CFAP54: variants seen among roughly 807,000 people sequenced by gnomAD.
The protein encoded by CFAP54 is cilia and flagella associated protein 54, also known as cilia- and flagella-associated protein 54.
A neutral mutation model predicts 370.4 loss-of-function variants in CFAP54; 290 were observed. The ratio of observed to expected loss-of-function variants is 0.78; its 90% confidence interval spans 0.71 to 0.86. The LOEUF (loss-of-function observed/expected upper bound fraction) is 0.86. Among genes scored for constraint, CFAP54 ranks in the 40% least tolerant of loss-of-function variants. The pLI is 0.00. For synonymous variants in CFAP54, 1,206 were observed against 1,236.5 expected (o/e 0.98, Z 0.52); for missense variants, 3,399 against 3,528.7 (o/e 0.96, Z 0.93).
At chr12:96,621,851 TTATAG>T (rs1956494440) in intron 27 of CFAP54, 130 bp downstream of exon 27, 1 of 328,518 alleles carries the variant, frequency 3.0e-6, no homozygotes, top group Admixed American at 5.6e-5. Context: ...AAGTAAAGTA[TTATAG>T]TAAAGAGCTT....
At chr12:96,771,113 C>T (rs966607368) in intron 60 of CFAP54, among the ~76,000 whole-genome samples, 7 of 152,162 alleles carry the variant, frequency 4.6e-5, no homozygotes, top group Non-Finnish European at 8.8e-5. Flanking sequence ...AGATTTGTAG[C>T]AGGGCCTGAA....
At chr12:96,686,071 C>T (rs764983033) in intron 42 of CFAP54, among the ~76,000 whole-genome samples, 1 of 152,206 alleles carries the variant, frequency 6.6e-6, no homozygotes, top group African/African-American at 2.4e-5. Context: ...GCTATCATAA[C>T]AAAGTACCAC....
intron 15 of CFAP54, among the ~76,000 whole-genome samples, chr12:96,553,783 C>T (rs994482033): frequency 1.3e-5 from 2 of 151,582 alleles, no homozygotes; most frequent in Non-Finnish European, 2.9e-5. Flanking sequence ...GACTAAATTT[C>T]TAGTCTGAGA....
At position 96,564,738 on chromosome 12, in the gene CFAP54, T is replaced by C; in HGVS notation, c.2592T>C (p.Thr864=). 1 of 624,106 alleles carries C rather than the reference T, an allele frequency of 1.6e-6. No individual in the cohort carries two copies. The highest frequency in any genetic ancestry group is 2.8e-6 in the Non-Finnish European group (1 of 356,006). The allele number at this position is 624,106 out of a possible 1,614,324, so 38.7% of individuals were successfully genotyped here. A position where few individuals can be genotyped will look rare whatever the true frequency, so the allele number is the denominator to read the frequency against. Residue 864 remains threonine, a synonymous_variant, in exon 19 of 68, where the codon ACT becomes ACC. Coordinates refer to ENST00000524981, the MANE Select transcript of CFAP54 (RefSeq NM_001306084.2). The stretch of plus-strand genomic sequence containing the variant: ...TTTTAATATTCGAGAAAGATGCAAC[T>C]TCTACATCTTCATGGGAACTTTTGA... ...KALLIFEKDA[T]STSSWELLME... is the part of the protein sequence containing the mutation.
intron 50 of CFAP54, among the ~76,000 whole-genome samples, chr12:96,723,976 A>G (rs1016826124): frequency 1.3e-5 from 2 of 151,282 alleles, no homozygotes; most frequent in East Asian, 2.0e-4. Context: ...ATGACTTCCA[A>G]TTTCATCCAT....
chr12:96,728,316 A>G (rs1447847603), intron 50 of CFAP54, among the ~76,000 whole-genome samples: 2 of 152,124 alleles, frequency 1.3e-5, no homozygotes, highest in African/African-American at 2.4e-5. Flanking sequence ...AGGTACACCA[A>G]TCAGATGCAG....
chr12:96,631,895 C>A (rs1413704468), intron 32 of CFAP54, among the ~76,000 whole-genome samples: 1 of 151,514 alleles, frequency 6.6e-6, no homozygotes, highest in Admixed American at 6.6e-5. Context: ...AAATACACAG[C>A]GTTGCGGTTT....
intron 32 of CFAP54, among the ~76,000 whole-genome samples, chr12:96,640,538 C>T (rs900914777): frequency 3.3e-5 from 5 of 152,190 alleles, no homozygotes; most frequent in African/African-American, 1.2e-4. Flanking sequence ...CCCCATCAAC[C>T]TACCAATGAC....
intron 15 of CFAP54, among the ~76,000 whole-genome samples, chr12:96,552,068 G>A (rs2136398348): frequency 6.6e-6 from 1 of 151,970 alleles, no homozygotes. Flanking sequence ...CCAACATGGA[G>A]AAACCCCATG....
At chr12:96,780,018 A>G (rs1958565935) in intron 60 of CFAP54, among the ~76,000 whole-genome samples, 2 of 151,984 alleles carry the variant, frequency 1.3e-5, no homozygotes, top group South Asian at 2.1e-4. Flanking sequence ...AACGATGCCT[A>G]TTTTTCCTGG....
intron 40 of CFAP54, among the ~76,000 whole-genome samples, chr12:96,682,530 C>G (rs999093386): frequency 1.3e-5 from 2 of 152,074 alleles, no homozygotes; most frequent in African/African-American, 4.8e-5. Flanking sequence ...CTCACACCAC[C>G]ACACCTGACT....
At chr12:96,622,805 C>CA (rs1290104731) in intron 27 of CFAP54, among the ~76,000 whole-genome samples, 1 of 151,818 alleles carries the variant, frequency 6.6e-6, no homozygotes, top group Non-Finnish European at 1.5e-5. Flanking sequence ...ATTTGTTTGC[C>CA]AAAAAAACTT....
At chr12:96,679,519 T>A (rs10860066) in intron 39 of CFAP54, 81 bp from the exon 40 acceptor site, 13 of 1,426,220 alleles carry the variant, frequency 9.1e-6, no homozygotes, top group Non-Finnish European at 1.2e-5. Context: ...CAAGAAATTC[T>A]CTGAATTATA....
intron 42 of CFAP54, among the ~76,000 whole-genome samples, chr12:96,688,503 G>T (rs1416832170): frequency 6.6e-6 from 1 of 152,164 alleles, no homozygotes; most frequent in Non-Finnish European, 1.5e-5. Context: ...TGCCAAAGTG[G>T]AGATTCATAT....
chr12:96,686,612 C>T (rs972014187), intron 42 of CFAP54, among the ~76,000 whole-genome samples: 4 of 152,054 alleles, frequency 2.6e-5, no homozygotes, highest in Admixed American at 2.6e-4. Context: ...GGAGGTGCCA[C>T]ACTCTTTTAA....
At position 96,700,035 on chromosome 12, in the gene CFAP54, A is replaced by T; in HGVS notation, c.6416A>T (p.Tyr2139Phe). 1.9e-6 allele frequency: 3 copies of T among 1,609,454 alleles called. No homozygotes were observed. The highest frequency in any genetic ancestry group is 2.5e-6 in the Non-Finnish European group (3 of 1,177,218). ...EAFYEISQIF[Y>F]GKNMPCPIPA... ...TTTTATGAGATATCCCAAATTTTCT[A>T]TGGAAAAAACATGCCTTGTCCAATA... is the stretch of plus-strand genomic sequence containing the variant. Residue 2139 changes from tyrosine (Y) to phenylalanine (F), a missense_variant, in exon 46 of 68, where the codon TAT becomes TTT. By Grantham distance (22) the Tyr-to-Phe change is conservative. Transcript: ENST00000524981.
At chr12:96,832,294 T>C (rs1159683493) in intron 66 of CFAP54, among the ~76,000 whole-genome samples, 1 of 150,706 alleles carries the variant, frequency 6.6e-6, no homozygotes, top group Non-Finnish European at 1.5e-5. Flanking sequence ...TATATATATA[T>C]ATAGGTTATA....
At chr12:96,660,802 G>A (rs1956986110) in intron 38 of CFAP54, among the ~76,000 whole-genome samples, 1 of 151,538 alleles carries the variant, frequency 6.6e-6, no homozygotes, top group Non-Finnish European at 1.5e-5. Context: ...CAAGCCCCAG[G>A]TTGTGACCTG....
chr12:96,858,813 A>G (rs1243113847), intron 66 of CFAP54, among the ~76,000 whole-genome samples: 3 of 152,202 alleles, frequency 2.0e-5, no homozygotes, highest in Non-Finnish European at 4.4e-5. Context: ...AAATGGCCAT[A>G]CTGTCCAGAG....
Sources: gnomAD v4.1 joint callset for allele counts (sites outside exome capture counted in the v4.1 genomes callset) on GRCh38, gnomAD v4.1.1 for gene constraint, MANE v1.5 for transcripts, NCBI Gene and HGNC (gene_info 2026-07-23, HGNC 2026-07-21) for gene names.